The following TRIM37 variants were observed in gnomAD, a reference collection of about 807,000 sequenced individuals.
TRIM37 encodes the protein E3 ubiquitin-protein ligase TRIM37.
A neutral mutation model predicts 129.8 loss-of-function variants in TRIM37; 80 were observed. That is an observed-to-expected ratio of 0.62 (90% CI 0.51 to 0.74). The LOEUF is 0.74. TRIM37 is among the 30% of genes least tolerant of loss of function. TRIM37 has a pLI of 0.00. For missense variants in TRIM37, 1,054 were observed against 1,176.5 expected (o/e 0.90, Z 1.52); for synonymous variants, 389 against 387.1 (o/e 1.00, Z -0.06).
At chr17:59,077,809 C>CA (rs36007655) in intron 7 of TRIM37, among the ~76,000 whole-genome samples, 21,049 of 71,216 alleles carry the variant, frequency 0.3, 3,652 homozygotes, top group African/African-American at 0.47. Flanking sequence ...GACTCCATCT[C>CA]AAAAAAAAAA....
chr17:59,059,838 C>G (rs1035281650), intron 12 of TRIM37, among the ~76,000 whole-genome samples: 3 of 152,200 alleles, frequency 2.0e-5, no homozygotes, highest in African/African-American at 7.2e-5. Flanking sequence ...GAGACAAAAA[C>G]TTCCTTAGTG....
At chr17:59,022,882 G>C (rs1459915003) in intron 19 of TRIM37, among the ~76,000 whole-genome samples, 2 of 152,018 alleles carry the variant, frequency 1.3e-5, no homozygotes, top group African/African-American at 4.8e-5. Flanking sequence ...AGCTTTTTGG[G>C]TGAACTTTCT....
intron 13 of TRIM37, among the ~76,000 whole-genome samples, chr17:59,053,333 G>A (rs545119263): frequency 6.6e-6 from 1 of 152,094 alleles, no homozygotes; most frequent in Non-Finnish European, 1.5e-5. Flanking sequence ...GAAATAAAAG[G>A]TTTAAAGTTT....
At chr17:58,972,345 G>A in the TRIM37 span, 31 of 1,499,246 alleles carry the variant, frequency 2.1e-5, 2 homozygotes, top group South Asian at 2.5e-4. Flanking sequence ...TATTGATTAG[G>A]ATTCACTTAC....
chr17:59,002,258 G>A (rs2033875469), intron 22 of TRIM37, among the ~76,000 whole-genome samples: 1 of 152,110 alleles, frequency 6.6e-6, no homozygotes. Context: ...TTGAGAGACA[G>A]GGTCTCGCTC....
chr17:59,104,479 A>C (rs772612331), intron 1 of TRIM37, 85 bp from the exon 2 acceptor site: 6 of 1,214,484 alleles, frequency 4.9e-6, no homozygotes, highest in Non-Finnish European at 7.4e-6. Flanking sequence ...CTTGACATTT[A>C]CATTTATTTT....
intron 19 of TRIM37, among the ~76,000 whole-genome samples, chr17:59,022,316 A>G (rs999389264): frequency 6.6e-6 from 1 of 152,270 alleles, no homozygotes; most frequent in Admixed American, 6.5e-5. Context: ...GGTCAACATT[A>G]GAAAAATAAT....
chr17:58,994,265 G>A (rs1005896842), downstream of TRIM37, among the ~76,000 whole-genome samples: 1 of 152,066 alleles, frequency 6.6e-6, no homozygotes, highest in Non-Finnish European at 1.5e-5. Flanking sequence ...ATTTGCATGA[G>A]TTAACTATAC....
rs1243358196 is a variant in TRIM37, at chr17:59,106,541, A to G, written c.-80T>C. The G allele has an allele frequency of 1.4e-5, 22 of 1,569,252 alleles. No homozygotes were observed. The highest frequency in any genetic ancestry group is 1.8e-5 in the Non-Finnish European group (21 of 1,147,760). ...TCTTAGGCGCCGGCCCGAGGTCGCC[A>G]GATCAAATCGCCGATAAAAGCCCGG... is the stretch of plus-strand genomic sequence containing the variant. On this transcript the variant is annotated 5_prime_UTR_variant, in exon 1 of 24. Coordinates refer to ENST00000262294, the MANE Select transcript of TRIM37 (RefSeq NM_015294.6).
chr17:58,972,953 A>C, the TRIM37 span: 1 of 1,536,786 alleles, frequency 6.5e-7, no homozygotes, highest in Admixed American at 1.7e-5. Context: ...TTGTTTCTCC[A>C]AACTGTCCTC....
downstream of TRIM37, among the ~76,000 whole-genome samples, chr17:58,993,275 T>A (rs2032638421): frequency 6.6e-6 from 1 of 152,208 alleles, no homozygotes; most frequent in Non-Finnish European, 1.5e-5. Context: ...CTCGGGTATA[T>A]CTTTATCAGC....
downstream of TRIM37, among the ~76,000 whole-genome samples, chr17:58,979,042 G>T (rs1054851962): frequency 6.6e-6 from 1 of 152,124 alleles, no homozygotes; most frequent in African/African-American, 2.4e-5. Flanking sequence ...TCTCTGCCTG[G>T]TGATAACTAA....
the TRIM37 span, among the ~76,000 whole-genome samples, chr17:58,977,599 TATTA>T: frequency 6.6e-6 from 1 of 152,202 alleles, no homozygotes; most frequent in Admixed American, 6.5e-5. Context: ...CAGGTAATTA[TATTA>T]ATTATTTGTT....
At chr17:59,089,070 T>G (rs945181487) in intron 3 of TRIM37, among the ~76,000 whole-genome samples, 30 of 151,920 alleles carry the variant, frequency 2.0e-4, no homozygotes, top group African/African-American at 6.8e-4. Flanking sequence ...GAGACCAGCC[T>G]GGGCAACATG....
chr17:58,988,628 C>G (rs983064027), intron 24 of TRIM37, among the ~76,000 whole-genome samples: 1 of 152,098 alleles, frequency 6.6e-6, no homozygotes, highest in African/African-American at 2.4e-5. Flanking sequence ...CCCCAGCCCC[C>G]GTTACACTTC....
At chr17:59,078,063 T>A (rs1158414235) in intron 7 of TRIM37, among the ~76,000 whole-genome samples, 1 of 151,484 alleles carries the variant, frequency 6.6e-6, no homozygotes, top group South Asian at 2.1e-4. Context: ...AGGCGGAGGG[T>A]GCAATGAGCC....
At chr17:59,025,673 A>C (rs2037171302) in intron 19 of TRIM37, among the ~76,000 whole-genome samples, 1 of 152,132 alleles carries the variant, frequency 6.6e-6, no homozygotes, top group South Asian at 2.1e-4. Context: ...CATCACCCGA[A>C]TACTGTATTT....
At chr17:59,080,686 G>A (rs1043694678) in intron 6 of TRIM37, among the ~76,000 whole-genome samples, 5 of 152,156 alleles carry the variant, frequency 3.3e-5, no homozygotes, top group African/African-American at 1.2e-4. Context: ...AGCTACTTGG[G>A]AGGGTGAGGC....
chr17:59,057,819 C>G (rs959426883), intron 12 of TRIM37, among the ~76,000 whole-genome samples: 1 of 152,146 alleles, frequency 6.6e-6, no homozygotes, highest in Admixed American at 6.5e-5. Flanking sequence ...CCACTGCGCC[C>G]AGCCAAAACA....
Sources: gnomAD v4.1 joint callset for allele counts (sites outside exome capture counted in the v4.1 genomes callset) on GRCh38, gnomAD v4.1.1 for gene constraint, MANE v1.5 for transcripts, NCBI Gene and HGNC (gene_info 2026-07-23, HGNC 2026-07-21) for gene names.